Variants in ASIC2 observed in about 807,000 individuals in gnomAD.
ASIC2 encodes acid sensing ion channel subunit 2.
A neutral mutation model predicts 57.3 loss-of-function variants in ASIC2; 25 were observed. The observed-to-expected ratio is 0.44, with a 90% CI of 0.32 to 0.61. The LOEUF is 0.61. Among genes scored for constraint, ASIC2 ranks in the 20% least tolerant of loss-of-function variants. The probability of loss-of-function intolerance (pLI) is 0.06; values close to 1 mark genes in which losing one functional copy is unlikely to be tolerated. For synonymous variants in ASIC2, 319 were observed against 307.5 expected, an observed-to-expected ratio of 1.04 and a Z score of -0.39; for missense variants, 641 against 738.1, an observed-to-expected ratio of 0.87 and a Z score of 1.52.
chr17:33,633,314 C>A (rs1417569855), intron 1 of ASIC2, among the ~76,000 whole-genome samples: 1 of 152,238 alleles, frequency 6.6e-6, no homozygotes, highest in African/African-American at 2.4e-5. Context: ...AGGACACCTG[C>A]TTCTCTGGGC....
At chr17:33,872,319 C>T (rs1435702877) in intron 1 of ASIC2, among the ~76,000 whole-genome samples, 1 of 152,094 alleles carries the variant, frequency 6.6e-6, no homozygotes, top group Non-Finnish European at 1.5e-5. Flanking sequence ...ACAGCCTGAA[C>T]CAAGTGTCAG....
intron 1 of ASIC2, among the ~76,000 whole-genome samples, chr17:34,108,407 A>G (rs1413191071): frequency 2.0e-5 from 3 of 152,272 alleles, no homozygotes; most frequent in Non-Finnish European, 4.4e-5. Flanking sequence ...TATTTGAACT[A>G]TAGTTTATAA....
intron 1 of ASIC2, among the ~76,000 whole-genome samples, chr17:33,467,324 T>C (rs1266102045): frequency 1.3e-5 from 2 of 152,190 alleles, no homozygotes; most frequent in Admixed American, 1.3e-4. Context: ...GTTTATTTTC[T>C]CAAAGGCTTT....
intron 1 of ASIC2, among the ~76,000 whole-genome samples, chr17:33,813,551 C>G (rs2141887529): frequency 6.6e-6 from 1 of 152,322 alleles, no homozygotes; most frequent in Admixed American, 6.5e-5. Flanking sequence ...ATTCTCCTGC[C>G]TCAGCCTCCT....
intron 1 of ASIC2, among the ~76,000 whole-genome samples, chr17:34,016,340 C>T (rs990422009): frequency 3.3e-4 from 47 of 143,412 alleles, no homozygotes; most frequent in African/African-American, 1.3e-3. Context: ...AGGAGAACGG[C>T]GTGAACCCGG....
intron 1 of ASIC2, among the ~76,000 whole-genome samples, chr17:33,433,623 G>A (rs1398142107): frequency 6.6e-6 from 1 of 152,116 alleles, no homozygotes; most frequent in Non-Finnish European, 1.5e-5. Context: ...GGTGGTGTGT[G>A]CCTGTAGTCC....
At chr17:33,693,872 A>G (rs148051689) in intron 1 of ASIC2, among the ~76,000 whole-genome samples, 1 of 152,338 alleles carries the variant, frequency 6.6e-6, no homozygotes, top group East Asian at 1.9e-4. Context: ...AGAGGGCTCT[A>G]GAATAGATGT....
intron 1 of ASIC2, among the ~76,000 whole-genome samples, chr17:34,076,340 C>A (rs538755903): frequency 6.6e-6 from 1 of 152,244 alleles, no homozygotes; most frequent in Admixed American, 6.5e-5. Flanking sequence ...CTGCTGGCTC[C>A]ATGAGGCCTA....
rs569803149 is a variant in ASIC2, at chr17:33,823,380, G to T, written c.555+332598C>A. On this transcript the variant is annotated intron_variant, in intron 1 of 9. Transcript: ENST00000359872. The stretch of plus-strand genomic sequence containing the variant: ...GTTGGGGAAGGTTTAAACGCATAAA[G>T]TCAAGATAAGTTTGGAAGTAGATGT... Among the ~76,000 whole-genome samples, 13 of 152,296 alleles carry T rather than the reference G, an allele frequency of 8.5e-5. No homozygotes were observed. The South Asian group carries it at 2.3e-3, about 27-fold the overall frequency.
At chr17:33,244,723 T>C (rs778066944) in intron 1 of ASIC2, among the ~76,000 whole-genome samples, 4 of 152,218 alleles carry the variant, frequency 2.6e-5, no homozygotes, top group Non-Finnish European at 5.9e-5. Context: ...TCTTGTGCTT[T>C]CAACACACAG....
chr17:33,998,591 T>TA (rs1906237221), intron 1 of ASIC2, among the ~76,000 whole-genome samples: 1 of 152,166 alleles, frequency 6.6e-6, no homozygotes, highest in South Asian at 2.1e-4. Context: ...TTTCTCAAGA[T>TA]ATGTTTTGGT....
chr17:33,594,953 G>C (rs1391046679), intron 1 of ASIC2, among the ~76,000 whole-genome samples: 2 of 151,862 alleles, frequency 1.3e-5, no homozygotes, highest in Non-Finnish European at 2.9e-5. Flanking sequence ...AGGTGCAGTG[G>C]CTCATGCCTG....
chr17:33,021,320 G>T lies in ASIC2; in HGVS notation c.1350-10C>A. The T allele has an allele frequency of 1.3e-6, 2 of 1,590,148 alleles. No homozygotes were observed. The highest frequency in any genetic ancestry group is 1.1e-5 in the South Asian group (1 of 90,440). ...AACAAGGATGTTCTCTCTGCAGAGA[G>T]AATAGTCAGTACCATACATGGTTAG... On this transcript the variant is annotated splice_polypyrimidine_tract_variant and intron_variant, in intron 6 of 9. Coordinates refer to ENST00000225823, the MANE Select transcript of ASIC2 (RefSeq NM_183377.2).
intron 1 of ASIC2, among the ~76,000 whole-genome samples, chr17:33,392,456 G>T (rs1909937190): frequency 6.6e-6 from 1 of 151,902 alleles, no homozygotes; most frequent in South Asian, 2.1e-4. Flanking sequence ...GTAGAGACGG[G>T]GTTTTCCCAT....
chr17:33,992,850 T>C (rs190995799), intron 1 of ASIC2, among the ~76,000 whole-genome samples: 1 of 152,164 alleles, frequency 6.6e-6, no homozygotes, highest in East Asian at 1.9e-4. Context: ...ATGACCAGAG[T>C]CAGCAAACCT....
At chr17:34,090,437 C>G (rs1464461828) in intron 1 of ASIC2, among the ~76,000 whole-genome samples, 3 of 150,164 alleles carry the variant, frequency 2.0e-5, no homozygotes, top group East Asian at 2.0e-4. Context: ...GAGTAAGAAT[C>G]AGACCTTCTG....
At chr17:33,379,283 A>G (rs1227957713) in intron 1 of ASIC2, among the ~76,000 whole-genome samples, 1 of 152,158 alleles carries the variant, frequency 6.6e-6, no homozygotes, top group East Asian at 1.9e-4. Flanking sequence ...TCTCATCTGT[A>G]AAAGGGGGCT....
intron 1 of ASIC2, among the ~76,000 whole-genome samples, chr17:33,275,828 G>T (rs1413753402): frequency 6.6e-6 from 1 of 152,152 alleles, no homozygotes; most frequent in African/African-American, 2.4e-5. Flanking sequence ...CCAGACTGAG[G>T]GAAGAGCATA....
intron 1 of ASIC2, among the ~76,000 whole-genome samples, chr17:33,919,236 C>G (rs924843984): frequency 1.3e-5 from 2 of 152,130 alleles, no homozygotes; most frequent in African/African-American, 4.8e-5. Context: ...GTCTGCCTGG[C>G]CTATGATTTT....
Sources: gnomAD v4.1 joint callset for allele counts (sites outside exome capture counted in the v4.1 genomes callset) on GRCh38, gnomAD v4.1.1 for gene constraint, MANE v1.5 for transcripts, NCBI Gene and HGNC (gene_info 2026-07-23, HGNC 2026-07-21) for gene names.